The following TDRD10 variants were observed in gnomAD, a reference collection of about 807,000 sequenced individuals.
TDRD10 encodes the protein tudor domain containing 10, also known as tudor domain-containing protein 10.
Under a neutral mutation model 48.0 loss-of-function variants are expected in TDRD10, and 40 were observed. The ratio of observed to expected loss-of-function variants is 0.83; its 90% confidence interval spans 0.65 to 1.09. TDRD10 has a LOEUF of 1.09. Among genes scored for constraint, TDRD10 ranks in the 50% least tolerant of loss-of-function variants. The probability of loss-of-function intolerance (pLI) is 0.00; values close to 1 mark genes in which losing one functional copy is unlikely to be tolerated. For missense variants in TDRD10, 378 were observed against 434.7 expected, an observed-to-expected ratio of 0.87 and a Z score of 1.16; for synonymous variants, 162 against 170.4, an observed-to-expected ratio of 0.95 and a Z score of 0.38.
Position 154,544,855 on chromosome 1 carries a change from G to A in TDRD10, c.858G>A (p.Gln286=), listed in dbSNP as rs1459252528. The part of the protein sequence containing the change: ...WAVVMFIDFG[Q]LATIPVQSLR... ...TGGTCATGTTCATTGATTTTGGACAGTTGGCCACCATCCCTGTGCAGTCTC... is the reference window on the plus strand; with the variant it reads ...TGGTCATGTTCATTGATTTTGGACAATTGGCCACCATCCCTGTGCAGTCTC... Residue 286 remains glutamine (Q), a synonymous_variant, in exon 11 of 13, where the codon CAG becomes CAA. Coordinates refer to ENST00000368482, the MANE Select transcript of TDRD10 (RefSeq NM_182499.4). 6.2e-7 allele frequency: 1 copy of A among 1,614,070 alleles called. No homozygotes were observed. The highest frequency in any genetic ancestry group is 8.5e-7 in the Non-Finnish European group (1 of 1,180,050).
At chr1:154,536,558 C>T (rs928304419) in intron 6 of TDRD10, among the ~76,000 whole-genome samples, 3 of 152,194 alleles carry the variant, frequency 2.0e-5, no homozygotes, top group African/African-American at 7.2e-5. Flanking sequence ...GTATAATTTA[C>T]TTAAAGTGAA....
At chr1:154,546,237 C>T (rs909522407) in intron 11 of TDRD10, among the ~76,000 whole-genome samples, 1 of 146,620 alleles carries the variant, frequency 6.8e-6, no homozygotes, top group Non-Finnish European at 1.5e-5. Context: ...CTACGCCTGG[C>T]TAATTTTTAT....
At position 154,520,178 on chromosome 1, in the gene TDRD10, C is replaced by T. The variant is rs752762891; in HGVS notation, c.142-126C>T. ...CCTACAAAACATGGCACGTACAGCACATAATAGATCCTCATTAAGTATGAG... is the reference window on the plus strand; with the variant it reads ...CCTACAAAACATGGCACGTACAGCATATAATAGATCCTCATTAAGTATGAG... On this transcript the variant is annotated intron_variant, in intron 4 of 12. Coordinates refer to ENST00000368482, the MANE Select transcript of TDRD10 (RefSeq NM_182499.4). 1.2e-5 allele frequency: 8 copies of T among 693,992 alleles called. No individual in the cohort carries two copies. In the Admixed American group the frequency reaches 1.4e-4, roughly 12 times the overall value. The allele number at this position is 693,992 out of a possible 1,614,324, so 43.0% of individuals were successfully genotyped here. A position where few individuals can be genotyped will look rare whatever the true frequency, so the allele number is the denominator to read the frequency against.
rs781041821 is a variant in TDRD10 at position 154,506,940 on chromosome 1, G to A, written c.2+35G>A. The A allele has an allele frequency of 1.1e-5, 18 of 1,614,018 alleles. No individual in the cohort carries two copies. In the South Asian group the frequency reaches 1.4e-4, roughly 13 times the overall value. Reference sequence around the variant, plus strand: ...TTCCTTTTGCTGATGAGCAAGCCTCGCTCCATCCCCCAGCCTTCTCTTTCT... The same window carrying A: ...TTCCTTTTGCTGATGAGCAAGCCTCACTCCATCCCCCAGCCTTCTCTTTCT... On this transcript the variant is annotated intron_variant, in intron 2 of 12. Coordinates refer to ENST00000368482, the MANE Select transcript of TDRD10 (RefSeq NM_182499.4).
At chr1:154,510,757 A>AG (rs1486693626) in intron 4 of TDRD10, among the ~76,000 whole-genome samples, 3 of 151,886 alleles carry the variant, frequency 2.0e-5, no homozygotes, top group Non-Finnish European at 4.4e-5. Flanking sequence ...TTTTAAAAAA[A>AG]CTTTTCAGGC....
At chr1:154,547,540 C>G in intron 12 of TDRD10, 61 bp downstream of exon 12, 1 of 1,614,260 alleles carries the variant, frequency 6.2e-7, no homozygotes, top group Non-Finnish European at 8.5e-7. Context: ...GGGGTGTCTG[C>G]AGCAGGCTGC....
chr1:154,505,476 T>C (rs1192220088), intron 1 of TDRD10, among the ~76,000 whole-genome samples: 1 of 152,264 alleles, frequency 6.6e-6, no homozygotes, highest in African/African-American at 2.4e-5. Flanking sequence ...CTTTTAATTA[T>C]CTGAACTACT....
At chr1:154,510,240 T>TA (rs34841605) in intron 4 of TDRD10, among the ~76,000 whole-genome samples, 7,282 of 137,676 alleles carry the variant, frequency 0.053, 255 homozygotes, top group Non-Finnish European at 0.08. Flanking sequence ...CCACATCTCT[T>TA]AAAAAAAAAA....
intron 6 of TDRD10, among the ~76,000 whole-genome samples, chr1:154,537,143 G>T (rs1304220799): frequency 6.6e-6 from 1 of 152,048 alleles, no homozygotes; most frequent in Non-Finnish European, 1.5e-5. Flanking sequence ...CTTCATTCCG[G>T]GCTCCACTCA....
At chr1:154,535,822 A>T (rs1395337857) in intron 6 of TDRD10, among the ~76,000 whole-genome samples, 1 of 152,210 alleles carries the variant, frequency 6.6e-6, no homozygotes, top group Admixed American at 6.5e-5. Context: ...GGGATCTGGT[A>T]TCCAACCCAG....
chr1:154,536,641 G>A (rs1694933305), intron 6 of TDRD10, among the ~76,000 whole-genome samples: 2 of 152,246 alleles, frequency 1.3e-5, no homozygotes, highest in South Asian at 4.1e-4. Flanking sequence ...AATCAAGATA[G>A]AGAACATTTC....
At chr1:154,543,027 G>A (rs1318188946) in intron 8 of TDRD10, among the ~76,000 whole-genome samples, 5 of 152,180 alleles carry the variant, frequency 3.3e-5, no homozygotes, top group African/African-American at 1.2e-4. Context: ...TGTAATCCCA[G>A]CACTTTGGGA....
chr1:154,541,397 A>G lies in TDRD10; in HGVS notation c.370-627A>G, dbSNP rs1695225057. Among the ~76,000 whole-genome samples the G allele has an allele frequency of 2.0e-5, 3 of 152,072 alleles. No individual in the cohort carries two copies. In the South Asian group the frequency reaches 6.2e-4, roughly 32 times the overall value. ...ATGGGCAGGGGTTGTGGGCGTTTTG[A>G]AGAAAGGAGAGGACGTGAGGTCCTT... is the stretch of plus-strand genomic sequence containing the variant. On this transcript the variant is annotated intron_variant, in intron 6 of 12. Transcript: ENST00000368482.
intron 2 of TDRD10, 46 bp downstream of exon 2, chr1:154,506,951 C>T: frequency 6.2e-7 from 1 of 1,614,168 alleles, no homozygotes; most frequent in East Asian, 2.2e-5. Context: ...CTCCATCCCC[C>T]AGCCTTCTCT....
chr1:154,519,433 GA>G (rs1693937790), intron 4 of TDRD10, among the ~76,000 whole-genome samples: 1 of 152,184 alleles, frequency 6.6e-6, no homozygotes, highest in African/African-American at 2.4e-5. Context: ...TCATGGTTGT[GA>G]AATTTTATAA....
Position 154,544,959 on chromosome 1 carries a change from C to G in TDRD10, c.952+10C>G. On this transcript the variant is annotated intron_variant, in intron 11 of 12. Transcript: ENST00000368482. ...TTCATGCTGGAGAAAGGTGAGACAT[C>G]TTCTATCTTCCTCCCAAGGGTTTCA... The G allele has an allele frequency of 6.2e-7, 1 of 1,613,294 alleles. No individual in the cohort carries two copies. Among genetic ancestry groups the G allele is most frequent in the Non-Finnish European group, 8.5e-7 (1 of 1,179,550 alleles).
rs933741538 is a variant in TDRD10, at chr1:154,502,779, T to C, written c.-278T>C. 6.6e-6 allele frequency: 1 copy of C among 152,174 alleles called. No homozygotes were observed. The highest frequency in any genetic ancestry group is 1.5e-5 in the Non-Finnish European group (1 of 68,090). 9.4% of individuals were successfully genotyped at this position (152,174 alleles called of 1,614,324 possible). A position where few individuals can be genotyped will look rare whatever the true frequency, so the allele number is the denominator to read the frequency against. ...TTTCTGCAGACGTTATTTTTGGCGG[T>C]AGGGCAGAGGTTGCGGCCCGAGGTC... is the stretch of plus-strand genomic sequence containing the variant. On this transcript the variant is annotated 5_prime_UTR_variant, in exon 1 of 13. Transcript: ENST00000368482.
rs77437400 is a variant in TDRD10, at chr1:154,510,260, A to T, written c.141+1779A>T. Among the ~76,000 whole-genome samples the T allele has an allele frequency of 2.8e-3, 346 of 122,360 alleles. 1 individual carries two copies. The South Asian group carries it at 0.03, about 10-fold the overall frequency. 80.3% of individuals were successfully genotyped at this position (122,360 alleles called of 152,430 possible). ...TCTCTTAAAAAAAAAAAAAAAAAAA[A>T]TTTTGAATGGTAACATTAATGCCCT... On this transcript the variant is annotated intron_variant, in intron 4 of 12. Coordinates refer to ENST00000368482, the MANE Select transcript of TDRD10 (RefSeq NM_182499.4).
intron 11 of TDRD10, among the ~76,000 whole-genome samples, chr1:154,545,810 A>G (rs59084843): frequency 0.19 from 27,149 of 140,438 alleles, 2,799 homozygotes; most frequent in South Asian, 0.24. Context: ...TCGTTCTGTC[A>G]CCCAGGCTGG....
Sources: gnomAD v4.1 joint callset for allele counts (sites outside exome capture counted in the v4.1 genomes callset) on GRCh38, gnomAD v4.1.1 for gene constraint, MANE v1.5 for transcripts, NCBI Gene and HGNC (gene_info 2026-07-23, HGNC 2026-07-21) for gene names.